Variants in MAD1L1 observed in about 807,000 individuals in gnomAD.
MAD1L1 encodes mitotic arrest deficient 1 like 1.
A neutral mutation model predicts 96.9 loss-of-function variants in MAD1L1; 95 were observed. The observed-to-expected ratio is 0.98, with a 90% CI of 0.83 to 1.16. The LOEUF is 1.16. MAD1L1 is among the 50% of genes most tolerant of loss of function. The pLI is 0.00. For missense variants in MAD1L1, 1,007 were observed against 954.4 expected, an observed-to-expected ratio of 1.06 and a Z score of -0.73; for synonymous variants, 473 against 396.6, an observed-to-expected ratio of 1.19 and a Z score of -2.29.
At chr7:2,051,548 G>T (rs1298165370) in intron 12 of MAD1L1, among the ~76,000 whole-genome samples, 1 of 152,124 alleles carries the variant, frequency 6.6e-6, no homozygotes, top group Non-Finnish European at 1.5e-5. Flanking sequence ...CACACTTAAT[G>T]CAGAAAAGCC....
chr7:2,015,084 C>T (rs552813969), intron 12 of MAD1L1, among the ~76,000 whole-genome samples: 1 of 152,216 alleles, frequency 6.6e-6, no homozygotes, highest in East Asian at 1.9e-4. Context: ...TCACACTGGG[C>T]CCAGGGAAAC....
rs377439388 is a variant in MAD1L1 at position 1,961,673 on chromosome 7, T to C, written c.1506-3954A>G. ...AAGATTTCTTAGCTATGATACCTGA[T>C]AGGGTTTGGCTGTGTCCCCACCCAA... On this transcript the variant is annotated intron_variant, in intron 15 of 18. Transcript: ENST00000265854. Among the ~76,000 whole-genome samples the C allele has an allele frequency of 1.9e-4, 29 of 152,380 alleles. No homozygotes were observed. The South Asian group carries it at 3.7e-3, about 20-fold the overall frequency.
At chr7:1,873,905 T>C (rs1785240270) in intron 18 of MAD1L1, among the ~76,000 whole-genome samples, 1 of 152,060 alleles carries the variant, frequency 6.6e-6, no homozygotes, top group African/African-American at 2.4e-5. Flanking sequence ...GCCCATCAAG[T>C]CGGCACCAGG....
chr7:1,944,543 G>T (rs2128468319), intron 16 of MAD1L1, among the ~76,000 whole-genome samples: 1 of 152,292 alleles, frequency 6.6e-6, no homozygotes, highest in Non-Finnish European at 1.5e-5. Flanking sequence ...GCTGAGAGGG[G>T]CTGCCTGGAG....
chr7:2,207,864 G>A (rs1234660432), intron 10 of MAD1L1, among the ~76,000 whole-genome samples: 1 of 152,140 alleles, frequency 6.6e-6, no homozygotes, highest in African/African-American at 2.4e-5. Flanking sequence ...CCTGGAATCT[G>A]AAGGGGGCAC....
At chr7:1,972,340 C>A (rs1780441746) in intron 15 of MAD1L1, among the ~76,000 whole-genome samples, 1 of 152,168 alleles carries the variant, frequency 6.6e-6, no homozygotes, top group Non-Finnish European at 1.5e-5. Context: ...CTAGGGATAT[C>A]CTTCGCATCT....
intron 17 of MAD1L1, among the ~76,000 whole-genome samples, chr7:1,909,910 G>A (rs866421402): frequency 3.9e-5 from 6 of 152,178 alleles, no homozygotes; most frequent in African/African-American, 1.4e-4. Flanking sequence ...ACACACGGAG[G>A]AGCCGCTCCC....
chr7:2,215,698 G>A (rs1028704657), intron 9 of MAD1L1, among the ~76,000 whole-genome samples, 187 bp downstream of exon 9: 6 of 152,200 alleles, frequency 3.9e-5, no homozygotes, highest in South Asian at 2.1e-4. Context: ...TGCCAGGGAA[G>A]GTGCTGTGTT....
chr7:1,947,536 CCCA>C (rs1193319704), intron 16 of MAD1L1, among the ~76,000 whole-genome samples: 1 of 152,210 alleles, frequency 6.6e-6, no homozygotes, highest in Non-Finnish European at 1.5e-5. Context: ...CAGAACCAGG[CCCA>C]CCAAGAGGCA....
chr7:1,851,747 C>T (rs1243483874), intron 18 of MAD1L1, among the ~76,000 whole-genome samples: 1 of 152,274 alleles, frequency 6.6e-6, no homozygotes, highest in South Asian at 2.1e-4. Context: ...CAGGCACTTA[C>T]AGTGTCGCGA....
intron 3 of MAD1L1, among the ~76,000 whole-genome samples, chr7:2,226,567 G>C (rs556472547): frequency 6.6e-6 from 1 of 152,228 alleles, no homozygotes; most frequent in Non-Finnish European, 1.5e-5. Context: ...CTTTGGGTAC[G>C]ACCTGCTCAG....
intron 18 of MAD1L1, among the ~76,000 whole-genome samples, chr7:1,864,622 C>T (rs1340022805): frequency 2.0e-5 from 3 of 152,236 alleles, no homozygotes; most frequent in Non-Finnish European, 2.9e-5. Flanking sequence ...TTCCCCCATG[C>T]GGGGCTGTGG....
chr7:1,898,199 C>A lies in MAD1L1; in HGVS notation c.1998+1G>T. On this transcript the variant is annotated splice_donor_variant, in intron 18 of 18. Transcript: ENST00000265854. LOFTEE classifies it high-confidence loss of function. ...GGAGAGCCGTCACACGCAGGACCCA[C>A]CTTGAAGATGAGGCAGTCGCCTGGG... 2 of 1,605,862 alleles carry A rather than the reference C, an allele frequency of 1.2e-6. No individual in the cohort carries two copies. Among genetic ancestry groups the A allele is most frequent in the Non-Finnish European group, 1.7e-6 (2 of 1,175,968 alleles).
intron 15 of MAD1L1, among the ~76,000 whole-genome samples, chr7:1,971,015 G>A (rs1780379828): frequency 6.6e-6 from 1 of 152,164 alleles, no homozygotes; most frequent in South Asian, 2.1e-4. Flanking sequence ...TCTCAGGCCT[G>A]CAGTTAGAAT....
chr7:2,054,348 C>A (rs188674443), intron 12 of MAD1L1, among the ~76,000 whole-genome samples: 3 of 152,180 alleles, frequency 2.0e-5, no homozygotes, highest in African/African-American at 7.2e-5. Context: ...AGGCGGTCCA[C>A]GCTCCCACAA....
intron 12 of MAD1L1, among the ~76,000 whole-genome samples, chr7:2,051,423 C>T (rs1253531351): frequency 6.6e-6 from 1 of 152,212 alleles, no homozygotes; most frequent in Non-Finnish European, 1.5e-5. Flanking sequence ...ACAGAAGGGG[C>T]TCCTGGGATC....
intron 17 of MAD1L1, among the ~76,000 whole-genome samples, chr7:1,908,260 G>T (rs1415912621): frequency 6.6e-6 from 1 of 152,230 alleles, no homozygotes; most frequent in African/African-American, 2.4e-5. Context: ...CCCTGATGAC[G>T]TGAGACAGGG....
intron 18 of MAD1L1, chr7:1,854,498 TCTCA>T (rs1390872480): frequency 5.0e-6 from 2 of 399,436 alleles, no homozygotes; most frequent in Non-Finnish European, 5.0e-6. Flanking sequence ...GATGGAGCTT[TCTCA>T]CTGTCTGTCA....
At chr7:2,069,444 G>C in intron 11 of MAD1L1, 106 bp from the exon 12 acceptor site, 5 of 1,108,712 alleles carry the variant, frequency 4.5e-6, no homozygotes. Flanking sequence ...CTAAAATAGA[G>C]CTGCACGTGC....
Sources: gnomAD v4.1 joint callset for allele counts (sites outside exome capture counted in the v4.1 genomes callset) on GRCh38, gnomAD v4.1.1 for gene constraint, MANE v1.5 for transcripts, NCBI Gene and HGNC (gene_info 2026-07-23, HGNC 2026-07-21) for gene names.